Variants in CATSPER1 observed in about 807,000 individuals in gnomAD.
The protein encoded by CATSPER1 is cation channel sperm-associated protein 1.
In CATSPER1, 57 loss-of-function variants were observed where a neutral mutation model predicts 72.7. That is an observed-to-expected ratio of 0.78 (90% CI 0.63 to 0.98). The LOEUF is 0.98. Among genes scored for constraint, CATSPER1 ranks in the 50% least tolerant of loss-of-function variants. CATSPER1 has a pLI of 0.00. For synonymous variants in CATSPER1, 363 were observed against 403.0 expected, an observed-to-expected ratio of 0.90 and a Z score of 1.19; for missense variants, 910 against 1,033.9, an observed-to-expected ratio of 0.88 and a Z score of 1.64.
Position 66,022,895 on chromosome 11 carries a change from G to T in CATSPER1, c.1383C>A (p.Thr461=). The stretch of plus-strand genomic sequence containing the variant: ...CGAAGGTCTGGGCCACCAGCATGAC[G>T]GTGTTGAGGCAGACAACGAAGAAGA... ...TFIFFVVCLN[T]VMLVAQTFAE... is the part of the protein sequence containing the mutation. Residue 461 remains threonine, a synonymous_variant, in exon 2 of 12, where the codon ACC becomes ACA. Transcript: ENST00000312106. 1 of 1,614,236 alleles carries T rather than the reference G, an allele frequency of 6.2e-7. No homozygotes were observed. Among genetic ancestry groups the T allele is most frequent in the Non-Finnish European group, 8.5e-7 (1 of 1,180,044 alleles).
intron 2 of CATSPER1, 54 bp from the exon 3 acceptor site, chr11:66,021,933 C>A: frequency 7.4e-7 from 1 of 1,346,692 alleles, no homozygotes; most frequent in Non-Finnish European, 1.1e-6. Flanking sequence ...AGTGCCCTCT[C>A]TCTCCTCAGC....
intron 9 of CATSPER1, among the ~76,000 whole-genome samples, chr11:66,019,740 T>TAC (rs368528079): frequency 0.014 from 2,114 of 151,386 alleles, 27 homozygotes; most frequent in African/African-American, 0.048. Flanking sequence ...TACTAAAAAA[T>TAC]ACACACACAC....
rs1004865327 is a variant in CATSPER1 at position 66,020,215 on chromosome 11, C to A, written c.2065-15G>T. ...CGGGCGGCCCTCTGGGAAGAAGAGG[C>A]CTCAGATCTGCCAGAGTCCCAGGCC... On this transcript the variant is annotated splice_polypyrimidine_tract_variant and intron_variant, in intron 8 of 11. Coordinates refer to ENST00000312106, the MANE Select transcript of CATSPER1 (RefSeq NM_053054.4). This position sits in a 1 kb window ranked among gnomAD's most constrained non-coding sequence, Gnocchi z 4.5. 2 of 1,614,068 alleles carry A rather than the reference C, an allele frequency of 1.2e-6. No homozygotes were observed. The highest frequency in any genetic ancestry group is 1.1e-5 in the South Asian group (1 of 91,088).
Position 66,025,625 on chromosome 11 carries a change from G to T in CATSPER1, c.755C>A (p.Ser252Tyr). The change falls in exon 1 of 12, where the codon TCT becomes TAT. Residue 252 changes from serine (S) to tyrosine (Y), a missense_variant. Coordinates refer to ENST00000312106, the MANE Select transcript of CATSPER1 (RefSeq NM_053054.4). The stretch of plus-strand genomic sequence containing the variant: ...TATCCCACGCTGGTAGGACCCCACA[G>T]AGGAATGAGGGGAAATGGTCTCTCC... ...HHGETISPHS[S>Y]VGSYQRGISD... The T allele has an allele frequency of 6.2e-7, 1 of 1,613,272 alleles. No individual in the cohort carries two copies. The highest frequency in any genetic ancestry group is 8.5e-7 in the Non-Finnish European group (1 of 1,179,628).
At position 66,020,189 on chromosome 11, in the gene CATSPER1, C is replaced by T; in HGVS notation, c.2076G>A (p.Arg692=). The T allele has an allele frequency of 6.2e-7, 1 of 1,613,756 alleles. No individual in the cohort carries two copies. The highest frequency in any genetic ancestry group is 1.7e-5 in the Admixed American group (1 of 60,032). The part of the protein sequence containing the change: ...LEKAKQERAA[R]IQEKLLEDSL... ...AGTCTTCCAGCAGCTTCTCTTGGAT[C>T]CGGGCGGCCCTCTGGGAAGAAGAGG... Residue 692 remains arginine (R), a synonymous_variant, in exon 9 of 12, where the codon CGG becomes CGA. Coordinates refer to ENST00000312106, the MANE Select transcript of CATSPER1 (RefSeq NM_053054.4). The surrounding 1 kb of genome is among the most constrained non-coding windows in gnomAD (Gnocchi z 4.5).
intron 1 of CATSPER1, among the ~76,000 whole-genome samples, chr11:66,024,325 C>T (rs1483036577): frequency 8.2e-5 from 12 of 145,696 alleles, no homozygotes; most frequent in East Asian, 2.1e-4. Context: ...TCACCCCGGC[C>T]GGAGTGCAGT....
Position 66,021,891 on chromosome 11 carries a change from CAG to C in CATSPER1, c.1430-14_1430-13del, listed in dbSNP as rs745360172. On this transcript the variant is annotated splice_polypyrimidine_tract_variant and intron_variant, in intron 2 of 11. Transcript: ENST00000312106. ...CATGAAGTACCACTCTGCAGGAACA[CAG>C]GGGTGCACTCAGAGCTGTCCCCAGC... 2 of 1,595,162 alleles carry C rather than the reference CAG, an allele frequency of 1.3e-6. No individual in the cohort carries two copies. The highest frequency in any genetic ancestry group is 2.2e-5 in the South Asian group (2 of 90,704).
chr11:66,017,020 G>A, intron 11 of CATSPER1, 40 bp downstream of exon 11: 2 of 1,612,344 alleles, frequency 1.2e-6, no homozygotes, highest in East Asian at 2.2e-5. Context: ...AGCCCCTGGG[G>A]TTCCCCTCGC....
rs113730172 is a variant in CATSPER1, at chr11:66,025,440, G to C, written c.940C>G (p.Leu314Val). ...GTGCTCTGGACGTAGTCGCCATGGA[G>C]GTAACTGGAATGATACGCGCCGTGG... is the stretch of plus-strand genomic sequence containing the variant. The part of the protein sequence containing the change: ...DHHGAYHSSY[L>V]HGDYVQSTSQ... Residue 314 changes from leucine (L) to valine (V), a missense_variant, in exon 1 of 12, where the codon CTC becomes GTC. Coordinates refer to ENST00000312106, the MANE Select transcript of CATSPER1 (RefSeq NM_053054.4). The C allele has an allele frequency of 3.0e-5, 48 of 1,613,842 alleles. 1 individual carries two copies. The highest frequency in any genetic ancestry group is 3.3e-4 in the Middle Eastern group (2 of 6,062).
At position 66,021,649 on chromosome 11, in the gene CATSPER1, G is replaced by A. The variant is rs147398525; in HGVS notation, c.1544-6C>T. On this transcript the variant is annotated splice_polypyrimidine_tract_variant and splice_region_variant and intron_variant, in intron 3 of 11. Transcript: ENST00000312106. ...CATGGCCATAATGAAGAAGTCTGAGGGCACGGGGTGCCTGAGCCTGGCGGG... is the reference window on the plus strand; with the variant it reads ...CATGGCCATAATGAAGAAGTCTGAGAGCACGGGGTGCCTGAGCCTGGCGGG... The A allele has an allele frequency of 8.1e-3, 12,957 of 1,606,572 alleles. 69 individuals are homozygous for A. Among genetic ancestry groups the A allele is most frequent in the Non-Finnish European group, 9.3e-3 (10,945 of 1,176,166 alleles).
chr11:66,020,705 G>C lies in CATSPER1; in HGVS notation c.1928-78C>G, dbSNP rs985353606. 8 of 1,592,926 alleles carry C rather than the reference G, an allele frequency of 5.0e-6. No individual in the cohort carries two copies. The East Asian group carries it at 1.1e-4, about 22-fold the overall frequency. ...CACGACCTGCTCCCTTCCCATACCC[G>C]GACATGCAGGCATCAGAAGCCCCAC... is the stretch of plus-strand genomic sequence containing the variant. On this transcript the variant is annotated intron_variant, in intron 6 of 11. Coordinates refer to ENST00000312106, the MANE Select transcript of CATSPER1 (RefSeq NM_053054.4). This position sits in a 1 kb window ranked among gnomAD's most constrained non-coding sequence, Gnocchi z 4.5.
Position 66,017,150 on chromosome 11 carries a change from G to A in CATSPER1, c.2226C>T (p.Tyr742=). 8.7e-7 allele frequency: 1 copy of A among 1,147,062 alleles called. No individual in the cohort carries two copies. Among genetic ancestry groups the A allele is most frequent in the Non-Finnish European group, 1.2e-6 (1 of 826,884 alleles). The allele number at this position is 1,147,062 out of a possible 1,614,324, so 71.1% of individuals were successfully genotyped here. ...TEKQQELLFH[Y]LQLVASVEQE... is the part of the protein sequence containing the mutation. ...GCTCCACGCTTGCCACCAGCTGCAG[G>A]TAATGGAACAGGAGCTCCTGCTGCC... The change falls in exon 11 of 12, where the codon TAC becomes TAT. Residue 742 remains tyrosine (Y), a synonymous_variant. Coordinates refer to ENST00000312106, the MANE Select transcript of CATSPER1 (RefSeq NM_053054.4).
At chr11:66,021,045 C>T (rs1459734548) in intron 5 of CATSPER1, 49 bp downstream of exon 5, 2 of 1,599,166 alleles carry the variant, frequency 1.3e-6, no homozygotes, top group Non-Finnish European at 8.5e-7. Flanking sequence ...GCACCCCTTT[C>T]ACCGCAGCCC....
At chr11:66,023,767 T>G (rs962707845) in intron 1 of CATSPER1, among the ~76,000 whole-genome samples, 3 of 151,838 alleles carry the variant, frequency 2.0e-5, no homozygotes, top group Non-Finnish European at 4.4e-5. Flanking sequence ...TATGCCTCCA[T>G]GCCTTTCTTT....
Position 66,021,096 on chromosome 11 carries a change from A to T in CATSPER1, c.1781T>A (p.Leu594His). 1 of 1,612,052 alleles carries T rather than the reference A, an allele frequency of 6.2e-7. No homozygotes were observed. Among genetic ancestry groups the T allele is most frequent in the South Asian group, 1.1e-5 (1 of 90,718 alleles). ...CAGCCCCTGCAGCACCAGGATACAG[A>T]GGCAGGTAAACATGAGGATGAGGAT... ...AAILILMFTC[L>H]FLFSAVLRAL... Residue 594 changes from leucine (L) to histidine (H), a missense_variant and splice_region_variant, in exon 5 of 12, where the codon CTC (leucine) becomes CAC (histidine). Transcript: ENST00000312106.
chr11:66,023,047 G>T lies in CATSPER1; in HGVS notation c.1231C>A (p.Arg411=), dbSNP rs1293863234. 1.9e-6 allele frequency: 3 copies of T among 1,614,060 alleles called. No homozygotes were observed. Among genetic ancestry groups the T allele is most frequent in the African/African-American group, 2.7e-5 (2 of 75,054 alleles). ...GTAGAGTGTCCCTTCTTGCGGGTCC[G>T]CTGGAGCCGGCCGGCTGAAAGGAAC... ...FQKRKTGRLQ[R]TRKKGHSTNL... The change falls in exon 2 of 12, where the codon CGG becomes AGG. Residue 411 remains arginine (R), a synonymous_variant. Transcript: ENST00000312106.
At chr11:66,016,974 C>T in intron 11 of CATSPER1, 58 bp from the exon 12 acceptor site, 1 of 1,613,316 alleles carries the variant, frequency 6.2e-7, no homozygotes, top group Non-Finnish European at 8.5e-7. Flanking sequence ...CTTCCCCGAT[C>T]CCCATGGGAG....
Position 66,020,452 on chromosome 11 carries a change from T to G in CATSPER1, c.1992-63A>C. ...GCCAGAGGAGAGGGGCACCCGGTACTTCTTGTGGGTTCAGCGTGGCATGAC... is the reference window on the plus strand; with the variant it reads ...GCCAGAGGAGAGGGGCACCCGGTACGTCTTGTGGGTTCAGCGTGGCATGAC... On this transcript the variant is annotated intron_variant, in intron 7 of 11. Coordinates refer to ENST00000312106, the MANE Select transcript of CATSPER1 (RefSeq NM_053054.4). The surrounding 1 kb of genome is among the most constrained non-coding windows in gnomAD (Gnocchi z 4.5). The G allele has an allele frequency of 6.2e-7, 1 of 1,607,224 alleles. No individual in the cohort carries two copies. Among genetic ancestry groups the G allele is most frequent in the Non-Finnish European group, 8.5e-7 (1 of 1,173,988 alleles).
chr11:66,025,533 G>A lies in CATSPER1; in HGVS notation c.847C>T (p.Pro283Ser). ...TGGTAGTGGTGCTGTGTGTGGTGGG[G>A]ATGGTCGCCATGGTGGTACTCACTG... ...HPSEYHHGDH[P>S]HHTQHHYHQT... Residue 283 changes from proline (P) to serine (S), a missense_variant, in exon 1 of 12, where the codon CCC (proline) becomes TCC (serine). Transcript: ENST00000312106. 4 of 1,603,448 alleles carry A rather than the reference G, an allele frequency of 2.5e-6. No homozygotes were observed. Among genetic ancestry groups the A allele is most frequent in the Non-Finnish European group, 2.6e-6 (3 of 1,175,332 alleles).
Sources: gnomAD v4.1 joint callset for allele counts (sites outside exome capture counted in the v4.1 genomes callset) on GRCh38, gnomAD v4.1.1 for gene constraint, Gnocchi (gnomAD v3.1) non-coding constraint, MANE v1.5 for transcripts, NCBI Gene and HGNC (gene_info 2026-07-23, HGNC 2026-07-21) for gene names.